TTLL13: variants seen among roughly 807,000 people sequenced by gnomAD.
TTLL13 encodes the protein tubulin polyglutamylase TTLL13.
chr15:90,253,443 C>T, the TTLL13 span: 1 of 1,011,934 alleles, frequency 9.9e-7, no homozygotes. Context: ...TGCCCAGGCA[C>T]CCAAGACTGC....
At chr15:90,262,315 CAG>C in the TTLL13 span, 11 of 1,200,460 alleles carry the variant, frequency 9.2e-6, no homozygotes, top group Non-Finnish European at 1.2e-5. Flanking sequence ...TAAATCCTAT[CAG>C]ACTCTTAGTG....
At chr15:90,261,169 C>A in the TTLL13 span, among the ~76,000 whole-genome samples, 18 of 150,674 alleles carry the variant, frequency 1.2e-4, no homozygotes, top group African/African-American at 4.4e-4. Flanking sequence ...ACTTCCACCT[C>A]CTGGGTTCAA....
At chr15:90,262,931 G>A in the TTLL13 span, 1 of 1,525,972 alleles carries the variant, frequency 6.6e-7, no homozygotes, top group African/African-American at 1.4e-5. Context: ...ACTTATCCTT[G>A]GAGATCCTGC....
At chr15:90,256,568 T>TCTTTCTTTC in the TTLL13 span, among the ~76,000 whole-genome samples, 1 of 29,894 alleles carries the variant, frequency 3.3e-5, no homozygotes, top group African/African-American at 1.3e-4. Context: ...TTTCTTTCTT[T>TCTTTCTTTC]CTTTCTTTCT....
the TTLL13 span, chr15:90,265,371 C>A: frequency 7.5e-5 from 93 of 1,236,702 alleles, no homozygotes; most frequent in South Asian, 3.7e-5. Context: ...GAGCGGAAGC[C>A]CTGCCCACCG....
chr15:90,264,141 T>A, the TTLL13 span: 1 of 804,858 alleles, frequency 1.2e-6, no homozygotes, highest in Non-Finnish European at 2.0e-6. Flanking sequence ...CCCTAAAATA[T>A]AATATGGCAC....
the TTLL13 span, chr15:90,257,336 C>T: frequency 6.4e-7 from 1 of 1,567,020 alleles, no homozygotes; most frequent in Non-Finnish European, 8.6e-7. Flanking sequence ...CTGAGGTTCT[C>T]TAGAGAAACA....
the TTLL13 span, chr15:90,257,319 A>G: frequency 6.3e-7 from 1 of 1,587,632 alleles, no homozygotes; most frequent in Non-Finnish European, 8.6e-7. Context: ...TTCCACTGCC[A>G]AAAGTGCTGA....
chr15:90,261,227 C>T, the TTLL13 span, among the ~76,000 whole-genome samples: 5 of 151,426 alleles, frequency 3.3e-5, no homozygotes, highest in Non-Finnish European at 5.9e-5. Flanking sequence ...TACAGGCACA[C>T]GCCACCAAGC....
the TTLL13 span, among the ~76,000 whole-genome samples, chr15:90,260,667 A>G: frequency 6.6e-6 from 1 of 152,040 alleles, no homozygotes; most frequent in Non-Finnish European, 1.5e-5. Flanking sequence ...CCTGGCCAAC[A>G]TGGTGAAACC....
At chr15:90,257,651 G>A in the TTLL13 span, 1 of 1,614,186 alleles carries the variant, frequency 6.2e-7, no homozygotes, top group Non-Finnish European at 8.5e-7. Flanking sequence ...ATGTCTGCAT[G>A]CACCTGACCA....
the TTLL13 span, chr15:90,258,880 A>C: frequency 6.2e-7 from 1 of 1,614,196 alleles, no homozygotes; most frequent in Non-Finnish European, 8.5e-7. Flanking sequence ...ATAAGCGGCG[A>C]GTCAAGGAAC....
the TTLL13 span, among the ~76,000 whole-genome samples, chr15:90,256,577 CTT>C: frequency 1.8e-5 from 1 of 56,854 alleles, no homozygotes; most frequent in African/African-American, 8.8e-5. Context: ...TTCTTTCTTT[CTT>C]TCTTTCTTTC....
chr15:90,256,220 C>T, the TTLL13 span: 127 of 1,614,180 alleles, frequency 7.9e-5, no homozygotes, highest in Admixed American at 1.1e-3. Context: ...CTGTCAGGGA[C>T]GTGGCATCTT....
the TTLL13 span, among the ~76,000 whole-genome samples, chr15:90,251,120 T>C: frequency 7.4e-6 from 1 of 135,142 alleles, no homozygotes; most frequent in Non-Finnish European, 1.6e-5. Context: ...CTGTCTTTTT[T>C]TTTTTTTTTT....
the TTLL13 span, among the ~76,000 whole-genome samples, chr15:90,253,908 T>C: frequency 4.8e-4 from 73 of 152,310 alleles, no homozygotes; most frequent in Middle Eastern, 0.014. Flanking sequence ...TCTGCAGGCT[T>C]ATTCTTTGGG....
At chr15:90,256,326 T>G in the TTLL13 span, 65 of 1,613,608 alleles carry the variant, frequency 4.0e-5, no homozygotes, top group Non-Finnish European at 5.3e-5. Context: ...CCATCAGCCT[T>G]CCCTAGTCCC....
the TTLL13 span, among the ~76,000 whole-genome samples, chr15:90,256,561 C>CT: frequency 2.5e-5 from 1 of 40,248 alleles, no homozygotes; most frequent in Non-Finnish European, 4.7e-5. Flanking sequence ...TTCTTTCTTT[C>CT]TTTCTTTCTT....
At chr15:90,262,108 A>T in the TTLL13 span, 2 of 1,536,106 alleles carry the variant, frequency 1.3e-6, no homozygotes, top group Non-Finnish European at 1.7e-6. Context: ...GGCCTGACAC[A>T]GAGAAGTATG....
Sources: allele counts gnomAD v4.1 joint callset (sites outside exome capture counted in the v4.1 genomes callset), GRCh38; gene constraint gnomAD v4.1.1; transcripts MANE v1.5; gene names NCBI Gene and HGNC (gene_info 2026-07-23, HGNC 2026-07-21).